Variants in LNX1 observed in about 807,000 individuals in gnomAD.
LNX1 encodes E3 ubiquitin-protein ligase LNX.
A neutral mutation model predicts 68.4 loss-of-function variants in LNX1; 54 were observed. That is an observed-to-expected ratio of 0.79 (90% CI 0.63 to 0.99). The LOEUF is 0.99. LNX1 is among the 50% of genes least tolerant of loss of function. The pLI, the probability that LNX1 is intolerant of heterozygous loss-of-function variation, is 0.00. For synonymous variants in LNX1, 336 were observed against 350.0 expected (o/e 0.96, Z 0.45); for missense variants, 906 against 926.4 (o/e 0.98, Z 0.29).
chr4:53,605,674 A>G (rs544478755), intron 2 of LNX1, among the ~76,000 whole-genome samples: 1 of 152,264 alleles, frequency 6.6e-6, no homozygotes, highest in Non-Finnish European at 1.5e-5. Context: ...AAGTGAAATC[A>G]CGCAGTATTT....
chr4:53,470,021 G>T (rs925499311), intron 9 of LNX1, among the ~76,000 whole-genome samples: 1 of 151,964 alleles, frequency 6.6e-6, no homozygotes, highest in Non-Finnish European at 1.5e-5. Context: ...TAACAAAGCC[G>T]GGCAGAGACA....
Position 53,461,472 on chromosome 4 carries a change from C to T in LNX1, c.2014G>A (p.Val672Ile), listed in dbSNP as rs747538473. Residue 672 changes from valine to isoleucine, a missense_variant, in exon 10 of 11, where the codon GTT becomes ATT. Transcript: ENST00000263925. ...GNKPFFIKSI[V>I]EGTPAYNDGR... The stretch of plus-strand genomic sequence containing the variant: ...TCATTGTATGCTGGTGTTCCTTCAA[C>T]AATGGATTTGATGAAAAAAGGTTTG... 1 of 1,612,124 alleles carries T rather than the reference C, an allele frequency of 6.2e-7. No individual in the cohort carries two copies. Among genetic ancestry groups the T allele is most frequent in the Admixed American group, 1.7e-5 (1 of 59,808 alleles).
rs1473307063 is a variant in LNX1, at chr4:53,573,817, G to T, written c.186C>A (p.Thr62=). The change falls in exon 2 of 11, where the codon ACC becomes ACA. Residue 62 remains threonine (T), a synonymous_variant. Coordinates refer to ENST00000263925, the MANE Select transcript of LNX1 (RefSeq NM_001126328.3). ...CCACCAGGAAGTTGGTGAGGCAGAG[G>T]GTGCAGTAGGTGTGTCCACACGGAG... ...LDTPCGHTYC[T]LCLTNFLVEK... 1 of 1,613,420 alleles carries T rather than the reference G, an allele frequency of 6.2e-7. No homozygotes were observed. Among genetic ancestry groups the T allele is most frequent in the Non-Finnish European group, 8.5e-7 (1 of 1,179,710 alleles).
At chr4:53,573,584 T>G in intron 2 of LNX1, 39 bp downstream of exon 2, 1 of 1,453,886 alleles carries the variant, frequency 6.9e-7, no homozygotes, top group Non-Finnish European at 9.5e-7. Flanking sequence ...CTGTCCCGCT[T>G]GGGGGTGGGA....
At chr4:53,559,764 C>A (rs1384239530) in intron 2 of LNX1, among the ~76,000 whole-genome samples, 3 of 151,398 alleles carry the variant, frequency 2.0e-5, no homozygotes, top group African/African-American at 7.3e-5. Flanking sequence ...CCTCCTGCCT[C>A]AGCCTCCCAA....
intron 2 of LNX1, among the ~76,000 whole-genome samples, chr4:53,514,002 C>T (rs1726554854): frequency 3.3e-5 from 5 of 152,240 alleles, no homozygotes; most frequent in Admixed American, 3.3e-4. Flanking sequence ...AGGGCCTCTG[C>T]ACTTTGCTGC....
intron 6 of LNX1, among the ~76,000 whole-genome samples, chr4:53,488,107 T>C (rs1013172913): frequency 1.3e-5 from 2 of 152,234 alleles, no homozygotes; most frequent in Admixed American, 6.5e-5. Context: ...ATTTTCTCTA[T>C]AGCCTATAAT....
chr4:53,604,776 T>C (rs2109839744), intron 2 of LNX1, among the ~76,000 whole-genome samples: 1 of 152,312 alleles, frequency 6.6e-6, no homozygotes, highest in East Asian at 1.9e-4. Context: ...GATTTGTGCT[T>C]GTGTTTGGAT....
chr4:53,586,325 T>G (rs1732170183), intron 1 of LNX1, among the ~76,000 whole-genome samples: 1 of 152,176 alleles, frequency 6.6e-6, no homozygotes. Context: ...TCAAAAGCAG[T>G]CATAAGCAAG....
intron 9 of LNX1, among the ~76,000 whole-genome samples, chr4:53,476,460 G>A (rs192359847): frequency 6.6e-6 from 1 of 152,254 alleles, no homozygotes; most frequent in African/African-American, 2.4e-5. Flanking sequence ...GCCTGTCTGT[G>A]GAGCTCTCTG....
chr4:53,576,061 T>C, intron 1 of LNX1: 4 of 1,559,992 alleles, frequency 2.6e-6, no homozygotes, highest in Non-Finnish European at 3.5e-6. Context: ...CCAGGAACTC[T>C]GCATCCCCCA....
chr4:53,608,660 TG>T (rs1231015649), intron 2 of LNX1, among the ~76,000 whole-genome samples: 1 of 152,050 alleles, frequency 6.6e-6, no homozygotes, highest in East Asian at 1.9e-4. Flanking sequence ...GACATGCACA[TG>T]TATGTTAATT....
chr4:53,459,912 A>G lies in LNX1; in HGVS notation c.*995T>C, dbSNP rs1721507131. The G allele has an allele frequency of 1.8e-5, 4 of 221,668 alleles. No individual in the cohort carries two copies. The highest frequency in any genetic ancestry group is 3.6e-5 in the Non-Finnish European group (4 of 110,920). The allele number at this position is 221,668 out of a possible 1,614,324, so 13.7% of individuals were successfully genotyped here. A position where few individuals can be genotyped will look rare whatever the true frequency, so the allele number is the denominator to read the frequency against. Reference sequence around the variant, plus strand: ...TGTGACACTCTTGCTTAGTATATTAAGAGACTCATACATTTTTGATATCAC... The same window carrying G: ...TGTGACACTCTTGCTTAGTATATTAGGAGACTCATACATTTTTGATATCAC... On this transcript the variant is annotated 3_prime_UTR_variant, in exon 11 of 11. Coordinates refer to ENST00000263925, the MANE Select transcript of LNX1 (RefSeq NM_001126328.3).
intron 9 of LNX1, among the ~76,000 whole-genome samples, chr4:53,467,766 TGAAGC>T (rs1722802938): frequency 6.6e-6 from 1 of 151,810 alleles, no homozygotes; most frequent in Admixed American, 6.6e-5. Flanking sequence ...ATGAATGAAA[TGAAGC>T]GAGAAGAGAA....
intron 1 of LNX1, among the ~76,000 whole-genome samples, chr4:53,645,516 A>G (rs1296881466): frequency 6.6e-6 from 1 of 152,202 alleles, no homozygotes; most frequent in East Asian, 1.9e-4. Context: ...TTGCCTTCTG[A>G]GTAATAGGAT....
Position 53,527,758 on chromosome 4 carries a change from G to A in LNX1, c.381-19531C>T, listed in dbSNP as rs145425393. Among the ~76,000 whole-genome samples, 10 of 152,212 alleles carry A rather than the reference G, an allele frequency of 6.6e-5. No individual in the cohort carries two copies. The East Asian group carries it at 1.7e-3, about 26-fold the overall frequency. On this transcript the variant is annotated intron_variant, in intron 2 of 10. Coordinates refer to ENST00000263925, the MANE Select transcript of LNX1 (RefSeq NM_001126328.3). ...AGAGTGCAACAGTGAGCCTCAGCAG[G>A]GGAAAAGGGGCTACCAGGGCTGTCA...
chr4:53,503,400 G>A (rs1325367700), intron 4 of LNX1, among the ~76,000 whole-genome samples: 4 of 152,134 alleles, frequency 2.6e-5, no homozygotes, highest in Admixed American at 6.5e-5. Context: ...TTTGATCCAC[G>A]GGCTGCAGAA....
chr4:53,549,590 T>G (rs527342073), intron 2 of LNX1: 4 of 151,988 alleles, frequency 2.6e-5, no homozygotes, highest in African/African-American at 9.7e-5. Context: ...ATTAGTATTG[T>G]GCTCACATTT....
intron 1 of LNX1, among the ~76,000 whole-genome samples, chr4:53,640,936 G>A (rs767004930): frequency 1.6e-4 from 24 of 152,174 alleles, no homozygotes; most frequent in Non-Finnish European, 3.1e-4. Flanking sequence ...CAGTCCTTCC[G>A]GGGCCTTCCT....
Sources: allele counts gnomAD v4.1 joint callset (sites outside exome capture counted in the v4.1 genomes callset), GRCh38; gene constraint gnomAD v4.1.1; transcripts MANE v1.5; gene names NCBI Gene and HGNC (gene_info 2026-07-23, HGNC 2026-07-21).